RAP1GDS1: variants seen among roughly 807,000 people sequenced by gnomAD.
The protein encoded by RAP1GDS1 is RAP1, GTP-GDP dissociation stimulator 1.
A neutral mutation model predicts 71.1 loss-of-function variants in RAP1GDS1; 35 were observed. The observed-to-expected ratio is 0.49, with a 90% CI of 0.38 to 0.65. The LOEUF is 0.65. Among genes scored for constraint, RAP1GDS1 ranks in the 30% least tolerant of loss-of-function variants. The probability of loss-of-function intolerance (pLI) is 0.00; values close to 1 mark genes in which losing one functional copy is unlikely to be tolerated. For synonymous variants in RAP1GDS1, 229 were observed against 243.1 expected, an observed-to-expected ratio of 0.94 and a Z score of 0.54; for missense variants, 663 against 706.1, an observed-to-expected ratio of 0.94 and a Z score of 0.69.
At chr4:98,406,063 T>C (rs1746068718) in intron 7 of RAP1GDS1, among the ~76,000 whole-genome samples, 1 of 151,886 alleles carries the variant, frequency 6.6e-6, no homozygotes, top group Non-Finnish European at 1.5e-5. Context: ...TTTTTTAAAA[T>C]GATATATAGC....
At chr4:98,402,320 C>T (rs1006990310) in intron 6 of RAP1GDS1, among the ~76,000 whole-genome samples, 2 of 152,130 alleles carry the variant, frequency 1.3e-5, no homozygotes, top group African/African-American at 4.8e-5. Context: ...GATCTGCCCA[C>T]CCCAGACTCC....
intron 5 of RAP1GDS1, among the ~76,000 whole-genome samples, chr4:98,380,283 G>A (rs994385605): frequency 4.0e-5 from 6 of 151,650 alleles, no homozygotes; most frequent in African/African-American, 1.5e-4. Context: ...TTATATTTTG[G>A]GGATGGGAGG....
intron 2 of RAP1GDS1, among the ~76,000 whole-genome samples, chr4:98,296,615 A>G (rs988998105): frequency 3.9e-5 from 6 of 152,154 alleles, no homozygotes; most frequent in African/African-American, 1.2e-4. Context: ...TGTGAAGGCT[A>G]CCAGCCAAGA....
Position 98,442,752 on chromosome 4 carries a change from AATTGACT to A in RAP1GDS1, c.*639_*645del, listed in dbSNP as rs1752028439. The A allele has an allele frequency of 1.3e-5, 3 of 228,624 alleles. No individual in the cohort carries two copies. Among genetic ancestry groups the A allele is most frequent in the African/African-American group, 4.4e-5 (2 of 45,084 alleles). The allele number at this position is 228,624 out of a possible 1,614,324, so 14.2% of individuals were successfully genotyped here. A position where few individuals can be genotyped will look rare whatever the true frequency, so the allele number is the denominator to read the frequency against. On this transcript the variant is annotated 3_prime_UTR_variant, in exon 15 of 15. Coordinates refer to ENST00000408927, the MANE Select transcript of RAP1GDS1 (RefSeq NM_001100427.2). The stretch of plus-strand genomic sequence containing the variant: ...TTCTGAGGTTTCTGATTCCATATTT[AATTGACT>A]ATTATCAATAGCCTGATATTGAAAA...
intron 2 of RAP1GDS1, among the ~76,000 whole-genome samples, chr4:98,336,731 G>C (rs1400298969): frequency 6.6e-6 from 1 of 151,894 alleles, no homozygotes; most frequent in Non-Finnish European, 1.5e-5. Flanking sequence ...TGAAAGAATT[G>C]CCATTTTTTT....
intron 4 of RAP1GDS1, among the ~76,000 whole-genome samples, chr4:98,377,383 T>C (rs1329839183): frequency 6.6e-6 from 1 of 151,832 alleles, no homozygotes; most frequent in Non-Finnish European, 1.5e-5. Flanking sequence ...AAACAAAAAT[T>C]TGGAAATTAG....
intron 7 of RAP1GDS1, among the ~76,000 whole-genome samples, chr4:98,413,881 G>A (rs1432047568): frequency 6.6e-6 from 1 of 151,454 alleles, no homozygotes; most frequent in East Asian, 1.9e-4. Flanking sequence ...TCCAGCACCT[G>A]TTGTTTCCTG....
At chr4:98,363,503 AAAG>A (rs1739060556) in intron 4 of RAP1GDS1, among the ~76,000 whole-genome samples, 1 of 149,502 alleles carries the variant, frequency 6.7e-6, no homozygotes, top group Non-Finnish European at 1.5e-5. Flanking sequence ...AAAAAAAAAA[AAAG>A]TGTAGTAATT....
At chr4:98,312,540 G>A (rs2110323022) in intron 2 of RAP1GDS1, among the ~76,000 whole-genome samples, 1 of 152,084 alleles carries the variant, frequency 6.6e-6, no homozygotes, top group East Asian at 1.9e-4. Flanking sequence ...GGCAGAGGTT[G>A]ATACTATTTT....
At chr4:98,283,291 A>G (rs1725456102) in intron 1 of RAP1GDS1, among the ~76,000 whole-genome samples, 1 of 152,176 alleles carries the variant, frequency 6.6e-6, no homozygotes, top group Non-Finnish European at 1.5e-5. Flanking sequence ...AAAAAATAGT[A>G]TGAGCTGATG....
intron 2 of RAP1GDS1, among the ~76,000 whole-genome samples, chr4:98,306,554 T>C (rs1017446091): frequency 6.6e-6 from 1 of 152,208 alleles, no homozygotes; most frequent in African/African-American, 2.4e-5. Context: ...ATGTCCTGAA[T>C]GTGTTCAAGA....
intron 5 of RAP1GDS1, among the ~76,000 whole-genome samples, chr4:98,380,607 G>A (rs930227383): frequency 4.0e-5 from 6 of 151,756 alleles, no homozygotes; most frequent in African/African-American, 1.4e-4. Flanking sequence ...AGAAAGGACA[G>A]AGCCTGAGAA....
intron 2 of RAP1GDS1, among the ~76,000 whole-genome samples, chr4:98,313,156 G>C (rs888459896): frequency 6.6e-6 from 1 of 151,684 alleles, no homozygotes; most frequent in African/African-American, 2.4e-5. Flanking sequence ...TGGGTTGTCA[G>C]GTTGGAGACC....
rs10454790 is a variant in RAP1GDS1, at chr4:98,324,416, A to C, written c.113-18723A>C. Among the ~76,000 whole-genome samples, 291 of 151,812 alleles carry C rather than the reference A, an allele frequency of 1.9e-3. 1 individual carries two copies. The highest frequency in any genetic ancestry group is 6.7e-3 in the African/African-American group (275 of 41,176). On this transcript the variant is annotated intron_variant, in intron 2 of 14. Transcript: ENST00000408927. ...GACTTTCTTCACAGAATTGGAAAAA[A>C]CTACTTTAAAGTTCATATGGAACCA...
chr4:98,285,233 C>A (rs1345785808), intron 1 of RAP1GDS1, among the ~76,000 whole-genome samples: 1 of 152,164 alleles, frequency 6.6e-6, no homozygotes, highest in Non-Finnish European at 1.5e-5. Context: ...GTTTTTCTTT[C>A]ATTTCAAATG....
intron 2 of RAP1GDS1, among the ~76,000 whole-genome samples, chr4:98,323,888 C>G (rs1732442630): frequency 7.0e-6 from 1 of 142,530 alleles, no homozygotes; most frequent in Non-Finnish European, 1.5e-5. Flanking sequence ...TCTCTCACCA[C>G]TCCTATTCAA....
chr4:98,275,354 C>A lies in RAP1GDS1; in HGVS notation c.4+13785C>A, dbSNP rs150155447. On this transcript the variant is annotated intron_variant, in intron 1 of 14. Transcript: ENST00000408927. ...ACTGTCACTGCAATTTGTAGTGCAT[C>A]CAGCAACTGTGTAAAGTGAATCATT... Among the ~76,000 whole-genome samples the A allele has an allele frequency of 1.4e-3, 218 of 152,184 alleles. 4 individuals carry two copies. The East Asian group carries it at 0.04, about 28-fold the overall frequency.
chr4:98,404,377 T>A (rs1745841481), intron 6 of RAP1GDS1, 100 bp from the exon 7 acceptor site: 2 of 1,138,948 alleles, frequency 1.8e-6, no homozygotes, highest in Non-Finnish European at 2.4e-6. Context: ...GAAGAGTATT[T>A]GTATTTATCA....
At chr4:98,370,598 C>G (rs1245302355) in intron 4 of RAP1GDS1, among the ~76,000 whole-genome samples, 1 of 149,558 alleles carries the variant, frequency 6.7e-6, no homozygotes, top group East Asian at 2.0e-4. Flanking sequence ...GAGTCTCGCT[C>G]TGTCACCCTG....
Sources: allele counts gnomAD v4.1 joint callset (sites outside exome capture counted in the v4.1 genomes callset), GRCh38; gene constraint gnomAD v4.1.1; transcripts MANE v1.5; gene names NCBI Gene and HGNC (gene_info 2026-07-23, HGNC 2026-07-21).